CD200R1L: variants seen among roughly 807,000 people sequenced by gnomAD.
CD200R1L encodes the protein cell surface glycoprotein CD200 receptor 2.
CD200R1L carries 14 observed loss-of-function variants against 24.8 expected under a neutral mutation model. The ratio of observed to expected loss-of-function variants is 0.56; its 90% CI spans 0.37 to 0.88. The LOEUF (loss-of-function observed/expected upper bound fraction) is 0.88. Ranked by LOEUF, CD200R1L falls within the 40% of genes least tolerant of loss-of-function variation. CD200R1L has a pLI of 0.00. For synonymous variants in CD200R1L, 111 were observed against 109.2 expected, an observed-to-expected ratio of 1.02 and a Z score of -0.11; for missense variants, 299 against 297.8, an observed-to-expected ratio of 1.00 and a Z score of -0.03.
At chr3:112,835,515 G>T (rs191544576) in intron 3 of CD200R1L, among the ~76,000 whole-genome samples, 14 of 152,236 alleles carry the variant, frequency 9.2e-5, no homozygotes, top group African/African-American at 3.1e-4. Context: ...GGTGCCCATA[G>T]GTGGGCTCAG....
At chr3:112,825,116 G>T (rs1382227961) in intron 6 of CD200R1L, among the ~76,000 whole-genome samples, 1 of 152,052 alleles carries the variant, frequency 6.6e-6, no homozygotes, top group Non-Finnish European at 1.5e-5. Flanking sequence ...GTGGGCGCCT[G>T]TAGTCCCAGC....
At chr3:112,841,303 G>C (rs756881509) in intron 2 of CD200R1L, 34 of 451,280 alleles carry the variant, frequency 7.5e-5, no homozygotes, top group Non-Finnish European at 1.4e-4. Context: ...CACCATGATT[G>C]TAAGTTTTTT....
intron 1 of CD200R1L, 61 bp downstream of exon 1, chr3:112,846,564 C>T (rs1939204149): frequency 6.6e-6 from 1 of 152,154 alleles, no homozygotes; most frequent in Non-Finnish European, 1.5e-5. Context: ...TACTTTCAGT[C>T]ATGGTTGAAT....
intron 3 of CD200R1L, among the ~76,000 whole-genome samples, chr3:112,831,634 G>A (rs1376612567): frequency 6.6e-6 from 1 of 152,198 alleles, no homozygotes; most frequent in Non-Finnish European, 1.5e-5. Context: ...AGAGCAAATT[G>A]GACACAGATA....
rs562569956 is a variant in CD200R1L at position 112,827,075 on chromosome 3, G to A, written c.534C>T (p.Pro178=). 38 of 1,613,290 alleles carry A rather than the reference G, an allele frequency of 2.4e-5. No individual in the cohort carries two copies. The South Asian group carries it at 3.8e-4, about 16-fold the overall frequency. The change falls in exon 6 of 8, where the codon CCC becomes CCT. Residue 178 remains proline, a synonymous_variant. Coordinates refer to ENST00000488794, the MANE Select transcript of CD200R1L (RefSeq NM_001199215.3). ...NGTVTVKSTC[P]WEGHKSTVTC... ...TCACAGTAGACTTGTGGCCCTCCCA[G>A]GGGCATGTACTCTTAACCGTCACTG...
At chr3:112,845,058 G>A (rs1939170338) in intron 2 of CD200R1L, among the ~76,000 whole-genome samples, 1 of 152,028 alleles carries the variant, frequency 6.6e-6, no homozygotes, top group Non-Finnish European at 1.5e-5. Context: ...GAATGAAATT[G>A]AGATCCAAAA....
intron 4 of CD200R1L, 102 bp from the exon 5 acceptor site, chr3:112,827,786 A>T: frequency 8.9e-7 from 1 of 1,128,244 alleles, no homozygotes; most frequent in Admixed American, 2.5e-5. Flanking sequence ...ATTAGAACAT[A>T]AATTTGCTGA....
intron 6 of CD200R1L, among the ~76,000 whole-genome samples, chr3:112,822,851 T>C (rs1054027351): frequency 5.9e-5 from 9 of 152,194 alleles, no homozygotes; most frequent in African/African-American, 2.2e-4. Flanking sequence ...TTAGCCTTTT[T>C]CCTTGCCTAC....
At chr3:112,820,333 G>A in intron 6 of CD200R1L, among the ~76,000 whole-genome samples, 1 of 152,122 alleles carries the variant, frequency 6.6e-6, no homozygotes, top group Admixed American at 6.6e-5. Flanking sequence ...TCTTTAGCAA[G>A]GTGTTTTATA....
intron 3 of CD200R1L, among the ~76,000 whole-genome samples, chr3:112,834,899 G>C (rs915662742): frequency 3.3e-5 from 5 of 152,214 alleles, no homozygotes; most frequent in Non-Finnish European, 7.3e-5. Flanking sequence ...AGCTTCTGGG[G>C]AATGTGGTGG....
intron 6 of CD200R1L, among the ~76,000 whole-genome samples, chr3:112,824,813 C>T (rs1324380116): frequency 6.6e-6 from 1 of 152,126 alleles, no homozygotes; most frequent in Non-Finnish European, 1.5e-5. Context: ...AATAGCTAAC[C>T]AAAATTCAAG....
chr3:112,831,715 A>G (rs988307392), intron 3 of CD200R1L, among the ~76,000 whole-genome samples: 1 of 152,216 alleles, frequency 6.6e-6, no homozygotes, highest in Non-Finnish European at 1.5e-5. Flanking sequence ...AGAAGCTGGG[A>G]GAAGGGCTTG....
intron 2 of CD200R1L, among the ~76,000 whole-genome samples, chr3:112,843,723 C>A (rs191287419): frequency 6.6e-6 from 1 of 152,148 alleles, no homozygotes; most frequent in Non-Finnish European, 1.5e-5. Flanking sequence ...TGGAATTAAC[C>A]TAAATGTGCC....
chr3:112,841,933 G>T (rs1165870960), intron 2 of CD200R1L, among the ~76,000 whole-genome samples: 3 of 152,250 alleles, frequency 2.0e-5, no homozygotes, highest in African/African-American at 7.2e-5. Flanking sequence ...ACACTGAGAA[G>T]AGTAAGGAGT....
chr3:112,817,355 C>T (rs1938421096), intron 7 of CD200R1L, among the ~76,000 whole-genome samples: 1 of 152,088 alleles, frequency 6.6e-6, no homozygotes, highest in African/African-American at 2.4e-5. Flanking sequence ...GAACCTGATT[C>T]CTTTTCTTCC....
rs982038397 is a variant in CD200R1L at position 112,842,847 on chromosome 3, C to T, written c.-87+2832G>A. Among the ~76,000 whole-genome samples, 9 of 151,960 alleles carry T rather than the reference C, an allele frequency of 5.9e-5. No individual in the cohort carries two copies. The East Asian group carries it at 9.6e-4, about 16-fold the overall frequency. On this transcript the variant is annotated intron_variant, in intron 2 of 7. Coordinates refer to ENST00000488794, the MANE Select transcript of CD200R1L (RefSeq NM_001199215.3). ...TGTGGTCAGACCGGTTCTCTGCTCT[C>T]GAACTCTGTTTTCTGTTGTTTAAGA...
At position 112,837,510 on chromosome 3, in the gene CD200R1L, T is replaced by C. The variant is rs1346517675; in HGVS notation, c.-18+432A>G. Among the ~76,000 whole-genome samples, 4 of 152,206 alleles carry C rather than the reference T, an allele frequency of 2.6e-5. No homozygotes were observed. The East Asian group carries it at 7.7e-4, about 29-fold the overall frequency. On this transcript the variant is annotated intron_variant, in intron 3 of 7. Transcript: ENST00000488794. Reference sequence around the variant, plus strand: ...GAACATTTTATGTGCCTTTCTACCCTGTACTTTAGTCCACAATGATCCCCT... The same window carrying C: ...GAACATTTTATGTGCCTTTCTACCCCGTACTTTAGTCCACAATGATCCCCT...
At chr3:112,826,725 T>C (rs925865281) in intron 6 of CD200R1L, among the ~76,000 whole-genome samples, 3 of 152,146 alleles carry the variant, frequency 2.0e-5, no homozygotes, top group African/African-American at 7.2e-5. Flanking sequence ...TGAACAAGGA[T>C]TGTTAAAACT....
chr3:112,827,089 T>C lies in CD200R1L; in HGVS notation c.520A>G (p.Lys174Glu). The change falls in exon 6 of 8, where the codon AAG (lysine) becomes GAG (glutamate). Residue 174 changes from lysine (K) to glutamate (E), a missense_variant. Transcript: ENST00000488794. Reference sequence around the variant, plus strand: ...TGGCCCTCCCAGGGGCATGTACTCTTAACCGTCACTGTGCCATTGCCCCAG... The same window carrying C: ...TGGCCCTCCCAGGGGCATGTACTCTCAACCGTCACTGTGCCATTGCCCCAG... ...EYWGNGTVTV[K>E]STCPWEGHKS... 1 of 1,613,420 alleles carries C rather than the reference T, an allele frequency of 6.2e-7. No individual in the cohort carries two copies. The highest frequency in any genetic ancestry group is 8.5e-7 in the Non-Finnish European group (1 of 1,180,038).
Sources: allele counts gnomAD v4.1 joint callset (sites outside exome capture counted in the v4.1 genomes callset), GRCh38; gene constraint gnomAD v4.1.1; transcripts MANE v1.5; gene names NCBI Gene and HGNC (gene_info 2026-07-23, HGNC 2026-07-21).